MED17: variants seen among roughly 807,000 people sequenced by gnomAD.
MED17 encodes the protein mediator of RNA polymerase II transcription subunit 17.
MED17 carries 49 observed loss-of-function variants against 80.8 expected under a neutral mutation model. The ratio of observed to expected loss-of-function variants is 0.61; its 90% CI spans 0.48 to 0.77. The LOEUF (loss-of-function observed/expected upper bound fraction) is 0.77, where lower values mean the gene tolerates loss of function less well. Among genes scored for constraint, MED17 ranks in the 30% least tolerant of loss-of-function variants. The pLI is 0.00. For missense variants in MED17, 718 were observed against 787.0 expected (o/e 0.91, Z 1.05); for synonymous variants, 281 against 280.4 (o/e 1.00, Z -0.02).
chr11:93,797,458 G>A, intron 7 of MED17, 77 bp from the exon 8 acceptor site: 1 of 1,378,136 alleles, frequency 7.3e-7, no homozygotes, highest in Non-Finnish European at 1.0e-6. Context: ...CAGTGTTTCT[G>A]TCAACCATGT....
chr11:93,799,269 G>A (rs1468828460), intron 8 of MED17, among the ~76,000 whole-genome samples: 2 of 151,928 alleles, frequency 1.3e-5, no homozygotes, highest in African/African-American at 4.8e-5. Context: ...TCTGCCTCTC[G>A]GGTTCAAGCG....
chr11:93,794,712 C>A, intron 5 of MED17, 196 bp from the exon 6 acceptor site: 2 of 611,714 alleles, frequency 3.3e-6, no homozygotes, highest in Non-Finnish European at 5.7e-6. Context: ...CTTCTCAATA[C>A]CCTGCCGGGA....
In MED17 at chr11:93,809,553, A is replaced by G. The variant is rs143343509; in HGVS notation, c.1585-164A>G. 201 of 725,276 alleles carry G rather than the reference A, an allele frequency of 2.8e-4. 3 individuals are homozygous for G. In the African/African-American group the frequency reaches 2.8e-3, roughly 10 times the overall value. The allele number at this position is 725,276 out of a possible 1,614,324, so 44.9% of individuals were successfully genotyped here. A position where few individuals can be genotyped will look rare whatever the true frequency, so the allele number is the denominator to read the frequency against. Reference sequence around the variant, plus strand: ...CTTTGGCAGTGGAAGGTGGAGTCCTATTCCCTCCCCCTAAGTTACGCACAG... The same window carrying G: ...CTTTGGCAGTGGAAGGTGGAGTCCTGTTCCCTCCCCCTAAGTTACGCACAG... On this transcript the variant is annotated intron_variant, in intron 10 of 11. Coordinates refer to ENST00000251871, the MANE Select transcript of MED17 (RefSeq NM_004268.5).
At position 93,784,672 on chromosome 11, in the gene MED17, G is replaced by C; in HGVS notation, c.159G>C (p.Ser53=). The change falls in exon 1 of 12, where the codon TCG becomes TCC. Residue 53 remains serine, a synonymous_variant. Coordinates refer to ENST00000251871, the MANE Select transcript of MED17 (RefSeq NM_004268.5). ...AGCGGATAGACTTCAGCCAGGGTTC[G>C]GGCTCCGAGGAGGAGGAGGCGGCGG... ...LAQRIDFSQG[S]GSEEEEAAGT... 6.4e-7 allele frequency: 1 copy of C among 1,559,880 alleles called. No individual in the cohort carries two copies. Among genetic ancestry groups the C allele is most frequent in the South Asian group, 1.2e-5 (1 of 84,988 alleles).
intron 1 of MED17, chr11:93,785,036 A>G: frequency 1.8e-6 from 1 of 567,070 alleles, no homozygotes; most frequent in Non-Finnish European, 3.1e-6. Flanking sequence ...TTCTCTGTAG[A>G]GGGCCTTTAA....
At chr11:93,801,632 A>G (rs1013790143) in intron 8 of MED17, 8 of 557,992 alleles carry the variant, frequency 1.4e-5, no homozygotes, top group Admixed American at 6.1e-5. Flanking sequence ...GTGTATTGTA[A>G]TGTCAAGCTG....
At chr11:93,788,491 C>T (rs1168467122) in intron 2 of MED17, 5 of 239,802 alleles carry the variant, frequency 2.1e-5, no homozygotes, top group African/African-American at 7.0e-5. Context: ...ACCATCCTGG[C>T]TAATGCTGTG....
chr11:93,807,666 C>T (rs1389115092), intron 10 of MED17, 31 bp downstream of exon 10: 3 of 1,228,876 alleles, frequency 2.4e-6, no homozygotes, highest in Non-Finnish European at 3.6e-6. Context: ...CTTAAGCCCC[C>T]TTCTTCGCAT....
Position 93,790,570 on chromosome 11 carries a change from A to G in MED17, c.418-4A>G. ...GAACTGCATGTTTGGGTTGTTTTTG[A>G]CAGAATCCTCAGACGTTGCAATTGA... On this transcript the variant is annotated splice_region_variant and splice_polypyrimidine_tract_variant and intron_variant, in intron 2 of 11. Transcript: ENST00000251871. 1.2e-6 allele frequency: 2 copies of G among 1,613,338 alleles called. No homozygotes were observed. The highest frequency in any genetic ancestry group is 1.7e-6 in the Non-Finnish European group (2 of 1,179,470).
rs763249105 is a variant in MED17, at chr11:93,797,687, TAAAC to T, written c.1299_1302del (p.Ala435SerfsTer5). The T allele has an allele frequency of 5.4e-5, 87 of 1,613,380 alleles. No homozygotes were observed. The highest frequency in any genetic ancestry group is 7.3e-5 in the Non-Finnish European group (86 of 1,179,484). Reference sequence around the variant, plus strand: ...GTGAAGGGCTTCTGGAAAAAATAATTAAACAAGCAAAGCATATTTTTCTAAGGAG... The same window carrying T: ...GTGAAGGGCTTCTGGAAAAAATAATTAAGCAAAGCATATTTTTCTAAGGAG... On this transcript the variant is annotated frameshift_variant, in exon 8 of 12. Coordinates refer to ENST00000251871, the MANE Select transcript of MED17 (RefSeq NM_004268.5). LOFTEE classifies it high-confidence loss of function.
In MED17 at chr11:93,807,500, G is replaced by T. The variant is rs1464804839; in HGVS notation, c.1467-18G>T. ...TAATTTTGAACATCTCTGATTTTTAGTATGTGTGTCTATAAAGGTCCATTC... is the reference window on the plus strand; with the variant it reads ...TAATTTTGAACATCTCTGATTTTTATTATGTGTGTCTATAAAGGTCCATTC... On this transcript the variant is annotated intron_variant, in intron 9 of 11. Transcript: ENST00000251871. The T allele has an allele frequency of 1.5e-6, 2 of 1,302,806 alleles. No homozygotes were observed. The highest frequency in any genetic ancestry group is 2.2e-6 in the Non-Finnish European group (2 of 896,350). 80.7% of individuals were successfully genotyped at this position (1,302,806 alleles called of 1,614,324 possible).
At position 93,809,867 on chromosome 11, in the gene MED17, G is replaced by T. The variant is rs1211242936; in HGVS notation, c.1735G>T (p.Ala579Ser). The T allele has an allele frequency of 1.9e-6, 3 of 1,614,036 alleles. No homozygotes were observed. In the African/African-American group the frequency reaches 4.0e-5, roughly 22 times the overall value. ...ITVASPSGDY[A>S]ISVRNGPESG... ...GGTGGCCTCCCCAAGTGGTGACTAT[G>T]CTATTTCAGGTACTTTCTGCTGCTT... Residue 579 changes from alanine (A) to serine (S), a missense_variant, in exon 11 of 12, where the codon GCT becomes TCT. Transcript: ENST00000251871.
rs539079050 is a variant in MED17 at position 93,793,855 on chromosome 11, A to T, written c.765A>T (p.Ala255=). ...VQIPSDLEGS[A]YIKVSIQKQA... ...TTCCTAGTGATTTAGAGGGGTCTGC[A>T]TATATCAAGGTATTTGTCAAAATAT... Residue 255 remains alanine, a synonymous_variant, in exon 4 of 12, where the codon GCA becomes GCT. Transcript: ENST00000251871. 6.2e-7 allele frequency: 1 copy of T among 1,613,560 alleles called. No homozygotes were observed. The highest frequency in any genetic ancestry group is 8.5e-7 in the Non-Finnish European group (1 of 1,179,524).
chr11:93,801,232 TAGTA>T (rs1441674001), intron 8 of MED17: 5 of 152,502 alleles, frequency 3.3e-5, no homozygotes, highest in African/African-American at 1.2e-4. Context: ...AATGATATGT[TAGTA>T]AGATTAAATG....
At chr11:93,800,986 G>T (rs567300904) in intron 8 of MED17, 3 of 151,982 alleles carry the variant, frequency 2.0e-5, no homozygotes, top group Non-Finnish European at 4.4e-5. Flanking sequence ...AGAAACTGAG[G>T]GTTTGGTTAA....
At chr11:93,790,308 G>C (rs1810438156) in intron 2 of MED17, 1 of 544,604 alleles carries the variant, frequency 1.8e-6, no homozygotes, top group African/African-American at 1.9e-5. Flanking sequence ...TACATTAAGA[G>C]GGGACCCTAA....
At position 93,812,596 on chromosome 11, in the gene MED17, G is replaced by A. The variant is rs572859027; in HGVS notation, c.*532G>A. On this transcript the variant is annotated 3_prime_UTR_variant, in exon 12 of 12. Transcript: ENST00000251871. ...TGGGACCACAGGCATGCACAACCAC[G>A]CCTGGCTAATTTTTGTATTTTTTAT... is the stretch of plus-strand genomic sequence containing the variant. 6.1e-4 allele frequency: 98 copies of A among 160,040 alleles called. No individual in the cohort carries two copies. The highest frequency in any genetic ancestry group is 1.2e-3 in the Non-Finnish European group (87 of 73,632). The allele number at this position is 160,040 out of a possible 1,614,324, so 9.9% of individuals were successfully genotyped here.
chr11:93,801,250 T>C (rs1943958716), intron 8 of MED17: 2 of 152,832 alleles, frequency 1.3e-5, no homozygotes, highest in African/African-American at 4.8e-5. Flanking sequence ...TTAAATGATA[T>C]AATTCATGAA....
At chr11:93,809,572 C>T (rs1475903613) in intron 10 of MED17, 145 bp from the exon 11 acceptor site, 26 of 819,678 alleles carry the variant, frequency 3.2e-5, no homozygotes, top group Middle Eastern at 3.4e-4. Flanking sequence ...CCCTAAGTTA[C>T]GCACAGGAGG....
Sources: allele counts gnomAD v4.1 joint callset (sites outside exome capture counted in the v4.1 genomes callset), GRCh38; gene constraint gnomAD v4.1.1; transcripts MANE v1.5; gene names NCBI Gene and HGNC (gene_info 2026-07-23, HGNC 2026-07-21).